The following TFB1M variants were observed in gnomAD, a reference collection of about 807,000 sequenced individuals.
The protein encoded by TFB1M is transcription factor B1, mitochondrial, also known as dimethyladenosine transferase 1, mitochondrial.
Under a neutral mutation model 31.1 loss-of-function variants are expected in TFB1M, and 27 were observed. The observed-to-expected ratio is 0.87, with a 90% CI of 0.64 to 1.20. TFB1M has a LOEUF of 1.20. Among genes scored for constraint, TFB1M ranks in the 50% most tolerant of loss-of-function variants. The pLI is 0.00. For synonymous variants in TFB1M, 166 were observed against 151.8 expected, an observed-to-expected ratio of 1.09 and a Z score of -0.69; for missense variants, 394 against 418.7, an observed-to-expected ratio of 0.94 and a Z score of 0.51.
intron 5 of TFB1M, among the ~76,000 whole-genome samples, chr6:155,277,372 A>G (rs1047278125): frequency 6.6e-6 from 1 of 152,256 alleles, no homozygotes; most frequent in African/African-American, 2.4e-5. Flanking sequence ...AAATTATGAT[A>G]TGTGATTCAA....
At chr6:155,276,428 C>A in intron 5 of TFB1M, 1 of 1,488,990 alleles carries the variant, frequency 6.7e-7, no homozygotes, top group Non-Finnish European at 9.1e-7. Context: ...CCAAATGGGA[C>A]TTTTAGATTA....
intron 4 of TFB1M, among the ~76,000 whole-genome samples, chr6:155,287,254 T>C (rs915180324): frequency 2.0e-5 from 3 of 152,184 alleles, no homozygotes; most frequent in Non-Finnish European, 2.9e-5. Flanking sequence ...TGAAGCTGTG[T>C]AAAACCTCAT....
At chr6:155,265,743 A>T (rs936653512) in intron 5 of TFB1M, among the ~76,000 whole-genome samples, 1 of 145,818 alleles carries the variant, frequency 6.9e-6, no homozygotes, top group African/African-American at 2.5e-5. Context: ...TATATTATAT[A>T]TAATATATAA....
intron 4 of TFB1M, among the ~76,000 whole-genome samples, chr6:155,291,433 T>C (rs936058416): frequency 1.3e-5 from 2 of 152,098 alleles, no homozygotes; most frequent in African/African-American, 4.8e-5. Context: ...CCAAGAGAAT[T>C]AGCAGGTTCA....
chr6:155,277,887 G>A (rs1281951617), intron 5 of TFB1M, among the ~76,000 whole-genome samples: 1 of 152,184 alleles, frequency 6.6e-6, no homozygotes, highest in African/African-American at 2.4e-5. Context: ...TTTGCTGAAT[G>A]TGGCTGGGTT....
Position 155,288,322 on chromosome 6 carries a change from A to T in TFB1M, c.547-3045T>A, listed in dbSNP as rs528619632. Among the ~76,000 whole-genome samples the T allele has an allele frequency of 5.3e-5, 8 of 152,340 alleles. No homozygotes were observed. The East Asian group carries it at 1.2e-3, about 22-fold the overall frequency. ...AAGATAAGTGATGAGTTACTATAGCATGTAAGACAAAATATAATCTTTCTT... is the reference window on the plus strand; with the variant it reads ...AAGATAAGTGATGAGTTACTATAGCTTGTAAGACAAAATATAATCTTTCTT... On this transcript the variant is annotated intron_variant, in intron 4 of 6. Transcript: ENST00000367166.
chr6:155,291,479 T>A (rs910881531), intron 4 of TFB1M, among the ~76,000 whole-genome samples: 5 of 152,168 alleles, frequency 3.3e-5, no homozygotes, highest in Admixed American at 2.0e-4. Context: ...AGAAAAGTGG[T>A]GATATCATCT....
chr6:155,234,709 T>G, the TFB1M span, among the ~76,000 whole-genome samples: 8 of 152,234 alleles, frequency 5.3e-5, no homozygotes, highest in Non-Finnish European at 1.2e-4. Context: ...CAGACCAGTC[T>G]TTTGCTTTTA....
intron 5 of TFB1M, among the ~76,000 whole-genome samples, chr6:155,279,904 AAGG>A (rs1294623627): frequency 6.6e-6 from 1 of 152,154 alleles, no homozygotes; most frequent in Non-Finnish European, 1.5e-5. Context: ...CCTGATTTTT[AAGG>A]AGGATGACTC....
intron 1 of TFB1M, 77 bp downstream of exon 1, chr6:155,314,219 G>A (rs531456806): frequency 1.7e-5 from 27 of 1,586,312 alleles, no homozygotes; most frequent in Admixed American, 1.4e-4. Flanking sequence ...CCCGCCCGCG[G>A]GGACGTGCAA....
chr6:155,251,958 C>T (rs371371538), downstream of TFB1M: 41 of 1,603,050 alleles, frequency 2.6e-5, no homozygotes, highest in Non-Finnish European at 3.3e-5. Flanking sequence ...TTAAGAGAGC[C>T]GTCATACTGG....
At chr6:155,236,843 C>T in the TFB1M span, among the ~76,000 whole-genome samples, 1 of 152,182 alleles carries the variant, frequency 6.6e-6, no homozygotes, top group East Asian at 1.9e-4. Flanking sequence ...GGGCCCCTCC[C>T]ACAATACATG....
chr6:155,313,999 T>C (rs912326339), intron 1 of TFB1M: 11 of 857,948 alleles, frequency 1.3e-5, no homozygotes, highest in South Asian at 9.0e-5. Flanking sequence ...GATTCCAATA[T>C]TCACTAGCGC....
the TFB1M span, among the ~76,000 whole-genome samples, chr6:155,245,264 C>T: frequency 1.3e-5 from 2 of 152,222 alleles, no homozygotes; most frequent in African/African-American, 2.4e-5. Flanking sequence ...GGACCTGGAA[C>T]CATACAGACA....
the TFB1M span, among the ~76,000 whole-genome samples, chr6:155,249,043 T>A: frequency 2.0e-5 from 3 of 152,334 alleles, no homozygotes; most frequent in East Asian, 5.8e-4. Context: ...ATGTTCAGCA[T>A]TCATACTATG....
At chr6:155,264,681 A>C (rs1784538693) in intron 5 of TFB1M, among the ~76,000 whole-genome samples, 1 of 152,218 alleles carries the variant, frequency 6.6e-6, no homozygotes, top group Admixed American at 6.5e-5. Context: ...GATTTTAAAC[A>C]GTCACATAGT....
At chr6:155,246,727 A>C in the TFB1M span, among the ~76,000 whole-genome samples, 52,190 of 151,802 alleles carry the variant, frequency 0.34, 9,657 homozygotes, top group Middle Eastern at 0.5. Context: ...AGTACAGTGA[A>C]AGCATACCAA....
rs77840497 is a variant in TFB1M at position 155,273,648 on chromosome 6, C to G, written c.666+11510G>C. Among the ~76,000 whole-genome samples the G allele has an allele frequency of 6.8e-3, 1,033 of 152,146 alleles. 20 individuals carry two copies. The highest frequency in any genetic ancestry group is 0.023 in the African/African-American group (965 of 41,510). On this transcript the variant is annotated intron_variant, in intron 5 of 6. Coordinates refer to ENST00000367166, the MANE Select transcript of TFB1M (RefSeq NM_016020.4). ...TGTTTTCCCTGGTTCCCAAGGGAAA[C>G]ACACAGGGGGAGAAAGAATTTCAGC... is the stretch of plus-strand genomic sequence containing the variant.
chr6:155,265,045 A>G (rs1395197393), intron 5 of TFB1M, among the ~76,000 whole-genome samples: 1 of 152,194 alleles, frequency 6.6e-6, no homozygotes, highest in African/African-American at 2.4e-5. Flanking sequence ...ACCTTCCTAA[A>G]ACTAGGCCTT....
Sources: gnomAD v4.1 joint callset for allele counts (sites outside exome capture counted in the v4.1 genomes callset) on GRCh38, gnomAD v4.1.1 for gene constraint, MANE v1.5 for transcripts, NCBI Gene and HGNC (gene_info 2026-07-23, HGNC 2026-07-21) for gene names.